Variants in MAML3 observed in about 807,000 individuals in gnomAD.
MAML3 encodes the protein mastermind-like protein 3.
In MAML3, 27 loss-of-function variants were observed where a neutral mutation model predicts 101.9. The ratio of observed to expected loss-of-function variants is 0.27; its 90% CI spans 0.20 to 0.37. The LOEUF (loss-of-function observed/expected upper bound fraction) is 0.37. Ranked by LOEUF, MAML3 falls within the 10% of genes least tolerant of loss-of-function variation. The pLI, the probability that MAML3 is intolerant of heterozygous loss-of-function variation, is 1.00. For synonymous variants in MAML3, 501 were observed against 555.9 expected, an observed-to-expected ratio of 0.90 and a Z score of 1.39; for missense variants, 1,316 against 1,444.9, an observed-to-expected ratio of 0.91 and a Z score of 1.45.
Position 140,116,790 on chromosome 4 carries a change from G to T in MAML3, c.468+36070C>A, listed in dbSNP as rs376180477. On this transcript the variant is annotated intron_variant, in intron 1 of 4. Transcript: ENST00000509479. ...TGAATGGTAACACTTACCTTGTAAAGATGTGACTAGGGATTGTTATTGATG... is the reference window on the plus strand; with the variant it reads ...TGAATGGTAACACTTACCTTGTAAATATGTGACTAGGGATTGTTATTGATG... Among the ~76,000 whole-genome samples, 82 of 152,360 alleles carry T rather than the reference G, an allele frequency of 5.4e-4. 1 individual carries two copies. In the South Asian group the frequency reaches 0.017, roughly 31 times the overall value.
At chr4:139,970,568 C>T (rs903226819) in intron 1 of MAML3, among the ~76,000 whole-genome samples, 30 of 152,110 alleles carry the variant, frequency 2.0e-4, no homozygotes, top group Admixed American at 1.5e-3. Flanking sequence ...GGAGGACGCC[C>T]AAGCAGTTTA....
intron 2 of MAML3, among the ~76,000 whole-genome samples, chr4:139,757,563 C>T (rs1033366464): frequency 6.8e-6 from 1 of 146,714 alleles, no homozygotes; most frequent in Non-Finnish European, 1.5e-5. Context: ...GACAGGAGAA[C>T]TGCTTGAACC....
intron 1 of MAML3, among the ~76,000 whole-genome samples, chr4:140,082,482 C>A (rs762006840): frequency 6.6e-6 from 1 of 152,202 alleles, no homozygotes; most frequent in Non-Finnish European, 1.5e-5. Flanking sequence ...TGCTTCCCAG[C>A]GTCCTTCCTC....
chr4:140,148,802 G>A (rs556729803), intron 1 of MAML3, among the ~76,000 whole-genome samples: 2 of 152,266 alleles, frequency 1.3e-5, no homozygotes, highest in South Asian at 2.1e-4. Context: ...CGGTAATAAC[G>A]CATTTATTAT....
chr4:139,772,206 C>G (rs1280162348), intron 2 of MAML3, among the ~76,000 whole-genome samples: 12 of 120,800 alleles, frequency 9.9e-5, no homozygotes, highest in Non-Finnish European at 1.3e-4. Flanking sequence ...CGCCACTGCA[C>G]TCCAGCCTGG....
At chr4:140,144,598 CA>C (rs1273093454) in intron 1 of MAML3, among the ~76,000 whole-genome samples, 1 of 149,326 alleles carries the variant, frequency 6.7e-6, no homozygotes, top group Non-Finnish European at 1.5e-5. Context: ...AATCCATTCA[CA>C]TGGCAGTAGT....
intron 1 of MAML3, among the ~76,000 whole-genome samples, chr4:140,068,331 T>C (rs565500019): frequency 6.6e-6 from 1 of 152,336 alleles, no homozygotes; most frequent in East Asian, 1.9e-4. Flanking sequence ...ACACAGTAAA[T>C]GCTTTGGAAA....
intron 1 of MAML3, among the ~76,000 whole-genome samples, chr4:140,105,158 T>A (rs1468613120): frequency 6.6e-6 from 1 of 152,100 alleles, no homozygotes; most frequent in Non-Finnish European, 1.5e-5. Flanking sequence ...ACCACCCCCA[T>A]CATGTAACTC....
intron 1 of MAML3, among the ~76,000 whole-genome samples, chr4:140,036,950 CT>C (rs988876775): frequency 6.6e-6 from 1 of 152,172 alleles, no homozygotes; most frequent in Non-Finnish European, 1.5e-5. Context: ...TTCAGTCCCA[CT>C]TTCCAATACT....
At chr4:139,867,842 C>T (rs1731928567) in intron 2 of MAML3, among the ~76,000 whole-genome samples, 1 of 152,262 alleles carries the variant, frequency 6.6e-6, no homozygotes, top group Non-Finnish European at 1.5e-5. Context: ...GGTCCATCCC[C>T]TGGCTGAGGC....
intron 1 of MAML3, among the ~76,000 whole-genome samples, chr4:140,143,893 C>G (rs937058683): frequency 6.6e-5 from 10 of 152,222 alleles, no homozygotes; most frequent in African/African-American, 2.4e-4. Context: ...CTAACTTCTT[C>G]CCAGGCATCC....
At chr4:140,020,012 C>A (rs1222509445) in intron 1 of MAML3, among the ~76,000 whole-genome samples, 2 of 152,196 alleles carry the variant, frequency 1.3e-5, no homozygotes, top group Non-Finnish European at 2.9e-5. Flanking sequence ...TTCCCTTCAA[C>A]AAAGGCTTTA....
intron 1 of MAML3, among the ~76,000 whole-genome samples, chr4:140,129,702 C>T (rs1261056727): frequency 6.6e-6 from 1 of 152,178 alleles, no homozygotes; most frequent in Non-Finnish European, 1.5e-5. Flanking sequence ...CGCGGTGGCT[C>T]ATGCCTGCAG....
intron 2 of MAML3, among the ~76,000 whole-genome samples, chr4:139,747,779 C>G (rs976410119): frequency 6.6e-6 from 1 of 151,878 alleles, no homozygotes; most frequent in Non-Finnish European, 1.5e-5. Flanking sequence ...ATAGGCTGGG[C>G]GTGGTGGCTC....
At chr4:140,128,650 T>C (rs1728727915) in intron 1 of MAML3, among the ~76,000 whole-genome samples, 1 of 152,208 alleles carries the variant, frequency 6.6e-6, no homozygotes, top group Non-Finnish European at 1.5e-5. Context: ...CAAAGGCAGC[T>C]GCAGTGGTCC....
Position 140,022,692 on chromosome 4 carries a change from T to C in MAML3, c.468+130168A>G, listed in dbSNP as rs190127348. ...TCAGAAGAAAAATTCATCTCTTCTTTATAAGATTCAAGGAATTGAGAATAG... is the reference window on the plus strand; with the variant it reads ...TCAGAAGAAAAATTCATCTCTTCTTCATAAGATTCAAGGAATTGAGAATAG... On this transcript the variant is annotated intron_variant, in intron 1 of 4. Coordinates refer to ENST00000509479, the MANE Select transcript of MAML3 (RefSeq NM_018717.5). Among the ~76,000 whole-genome samples the C allele has an allele frequency of 8.5e-5, 13 of 152,320 alleles. No individual in the cohort carries two copies. In the East Asian group the frequency reaches 2.1e-3, roughly 25 times the overall value.
At chr4:139,989,902 A>G (rs974410642) in intron 1 of MAML3, among the ~76,000 whole-genome samples, 31 of 130,022 alleles carry the variant, frequency 2.4e-4, no homozygotes, top group Non-Finnish European at 3.8e-4. Context: ...GAGAGAGAGA[A>G]AGAGAGAGAG....
In MAML3 at chr4:140,016,347, G is replaced by A. The variant is rs1726641690; in HGVS notation, c.469-125380C>T. On this transcript the variant is annotated intron_variant, in intron 1 of 4. Transcript: ENST00000509479. ...GGATTGGAAGACAACATAGTAAGAT[G>A]TGACTTTTCCTTAACTTGATACACA... is the stretch of plus-strand genomic sequence containing the variant. Among the ~76,000 whole-genome samples the A allele has an allele frequency of 2.6e-5, 4 of 152,298 alleles. No individual in the cohort carries two copies. The South Asian group carries it at 8.3e-4, about 32-fold the overall frequency.
chr4:140,149,591 T>C (rs78802689), intron 1 of MAML3, among the ~76,000 whole-genome samples: 12,836 of 152,296 alleles, frequency 0.084, 807 homozygotes, highest in East Asian at 0.25. Flanking sequence ...TTCGGACATA[T>C]TGGTCCTTAG....
Sources: gnomAD v4.1 joint callset for allele counts (sites outside exome capture counted in the v4.1 genomes callset) on GRCh38, gnomAD v4.1.1 for gene constraint, MANE v1.5 for transcripts, NCBI Gene and HGNC (gene_info 2026-07-23, HGNC 2026-07-21) for gene names.